The following ZNHIT3 variants were observed in gnomAD, a reference collection of about 807,000 sequenced individuals.
ZNHIT3 encodes the protein zinc finger HIT domain-containing protein 3.
ZNHIT3 carries 27 observed loss-of-function variants against 19.9 expected under a neutral mutation model. That is an observed-to-expected ratio of 1.36 (90% CI 1.00 to 1.87). The LOEUF is 1.87. Among genes scored for constraint, ZNHIT3 ranks in the 40% most tolerant of loss-of-function variants. The pLI is 0.00. For synonymous variants in ZNHIT3, 81 were observed against 65.7 expected, an observed-to-expected ratio of 1.23 and a Z score of -1.13; for missense variants, 215 against 185.6, an observed-to-expected ratio of 1.16 and a Z score of -0.92.
intron 2 of ZNHIT3, chr17:36,492,213 TCA>T (rs915313190): frequency 6.5e-5 from 10 of 153,682 alleles, no homozygotes; most frequent in African/African-American, 2.2e-4. Flanking sequence ...AGTGGCACAA[TCA>T]CAGCTCACTG....
intron 2 of ZNHIT3, chr17:36,489,908 C>T (rs2070687150): frequency 6.6e-6 from 1 of 151,846 alleles, no homozygotes; most frequent in Admixed American, 6.6e-5. Context: ...GGGTGAGCCA[C>T]CATGCCCGGC....
At chr17:36,496,878 A>G (rs1257456494), downstream of ZNHIT3, among the ~76,000 whole-genome samples, 1 of 152,148 alleles carries the variant, frequency 6.6e-6, no homozygotes. Flanking sequence ...ATGGGGCAGA[A>G]CCAGGATCCA....
chr17:36,494,740 C>CT (rs1195911166), intron 4 of ZNHIT3, among the ~76,000 whole-genome samples: 3 of 151,890 alleles, frequency 2.0e-5, no homozygotes, highest in South Asian at 2.1e-4. Context: ...GCTACTGGTG[C>CT]TGCTGCATGC....
At position 36,495,518 on chromosome 17, in the gene ZNHIT3, G is replaced by A; in HGVS notation, c.*114G>A. 1 of 1,394,516 alleles carries A rather than the reference G, an allele frequency of 7.2e-7. No individual in the cohort carries two copies. The highest frequency in any genetic ancestry group is 9.3e-7 in the Non-Finnish European group (1 of 1,077,880). The allele number at this position is 1,394,516 out of a possible 1,614,324, so 86.4% of individuals were successfully genotyped here. On this transcript the variant is annotated 3_prime_UTR_variant, in exon 5 of 5. Coordinates refer to ENST00000617429, the MANE Select transcript of ZNHIT3 (RefSeq NM_004773.4). ...GGAGCTCAGGCAAAAGAGGTTTCCA[G>A]GATGCAGATTAGGTCATGCAGGCCT...
downstream of ZNHIT3, chr17:36,495,857 T>C (rs535023652): frequency 8.1e-7 from 1 of 1,240,552 alleles, no homozygotes; most frequent in African/African-American, 1.5e-5. Flanking sequence ...AACCACAAGA[T>C]TTTTCCCAGC....
At chr17:36,498,207 A>C, downstream of ZNHIT3, 2 of 1,550,856 alleles carry the variant, frequency 1.3e-6, no homozygotes, top group Non-Finnish European at 1.7e-6. Context: ...GTGAACTTGT[A>C]GGCTTTGCTC....
At chr17:36,493,471 T>G (rs2070772842) in intron 3 of ZNHIT3, among the ~76,000 whole-genome samples, 1 of 152,236 alleles carries the variant, frequency 6.6e-6, no homozygotes, top group African/African-American at 2.4e-5. Context: ...ATTTTTGCCC[T>G]TTGAGAAATT....
At chr17:36,497,730 G>A (rs180800232), downstream of ZNHIT3, 4,667 of 176,068 alleles carry the variant, frequency 0.027, 99 homozygotes, top group Middle Eastern at 0.077. Context: ...GACTACAGGC[G>A]CCTGCCACTA....
downstream of ZNHIT3, chr17:36,496,305 C>T: frequency 1.9e-6 from 3 of 1,614,028 alleles, no homozygotes; most frequent in Non-Finnish European, 2.5e-6. Flanking sequence ...TGTGTCTTTC[C>T]AGCAGAATCT....
intron 2 of ZNHIT3, among the ~76,000 whole-genome samples, chr17:36,488,116 T>G (rs1355781332): frequency 2.7e-5 from 4 of 149,804 alleles, no homozygotes; most frequent in Non-Finnish European, 5.9e-5. Context: ...AAAAAAAGCT[T>G]GATGTAGATT....
chr17:36,490,867 C>G (rs1295846666), intron 2 of ZNHIT3: 1 of 152,198 alleles, frequency 6.6e-6, no homozygotes, highest in African/African-American at 2.4e-5. Context: ...CTCTGTCACC[C>G]AGGCTGGAGT....
At chr17:36,495,853 A>G (rs1012990234), downstream of ZNHIT3, 14 of 1,240,984 alleles carry the variant, frequency 1.1e-5, no homozygotes, top group African/African-American at 2.0e-4. Flanking sequence ...AAATAACCAC[A>G]AGATTTTTCC....
At chr17:36,492,476 T>C (rs189193058) in intron 2 of ZNHIT3, 39 of 256,640 alleles carry the variant, frequency 1.5e-4, no homozygotes, top group Admixed American at 6.4e-4. Flanking sequence ...TCTTTGGTGG[T>C]TTTGCCCCTA....
chr17:36,487,625 C>G (rs1176704999), intron 2 of ZNHIT3, among the ~76,000 whole-genome samples: 1 of 151,492 alleles, frequency 6.6e-6, no homozygotes, highest in Non-Finnish European at 1.5e-5. Context: ...GAAACTCCGT[C>G]TCTACTAAAA....
chr17:36,496,087 C>G (rs2070939717), downstream of ZNHIT3: 7 of 979,286 alleles, frequency 7.1e-6, no homozygotes, highest in Non-Finnish European at 1.0e-5. Context: ...CCCAGGCCCA[C>G]TGACGCACTG....
At chr17:36,492,731 C>A in intron 2 of ZNHIT3, 82 bp from the exon 3 acceptor site, 1 of 1,264,284 alleles carries the variant, frequency 7.9e-7, no homozygotes, top group Non-Finnish European at 1.1e-6. Flanking sequence ...TTGCTTCCTA[C>A]CTAGATGCTA....
chr17:36,499,179 A>G (rs1289608027), downstream of ZNHIT3: 34 of 1,582,358 alleles, frequency 2.1e-5, no homozygotes, highest in Non-Finnish European at 2.8e-5. Context: ...TTTGCCCAGA[A>G]ACAGGAAAGA....
chr17:36,495,851 A>G, downstream of ZNHIT3: 1 of 1,241,584 alleles, frequency 8.1e-7, no homozygotes, highest in Non-Finnish European at 1.0e-6. Flanking sequence ...GGAAATAACC[A>G]CAAGATTTTT....
intron 2 of ZNHIT3, chr17:36,489,015 ACTT>A (rs1254193358): frequency 1.3e-5 from 2 of 152,078 alleles, no homozygotes; most frequent in African/African-American, 4.8e-5. Context: ...TCTGCTCTCT[ACTT>A]CTGTGAAATC....
Sources: allele counts gnomAD v4.1 joint callset (sites outside exome capture counted in the v4.1 genomes callset), GRCh38; gene constraint gnomAD v4.1.1; transcripts MANE v1.5; gene names NCBI Gene and HGNC (gene_info 2026-07-23, HGNC 2026-07-21).